KCTD16: variants seen among roughly 807,000 people sequenced by gnomAD.
KCTD16 encodes the protein BTB/POZ domain-containing protein KCTD16.
In KCTD16, 13 loss-of-function variants were observed where a neutral mutation model predicts 33.2. That is an observed-to-expected ratio of 0.39 (90% CI 0.25 to 0.62). The LOEUF is 0.62. Ranked by LOEUF, KCTD16 falls within the 20% of genes least tolerant of loss-of-function variation. The pLI, the probability that KCTD16 is intolerant of heterozygous loss-of-function variation, is 0.50. For synonymous variants in KCTD16, 197 were observed against 195.3 expected, an observed-to-expected ratio of 1.01 and a Z score of -0.07; for missense variants, 441 against 525.1, an observed-to-expected ratio of 0.84 and a Z score of 1.57.
chr5:144,329,339 G>A (rs1752292424), intron 3 of KCTD16, among the ~76,000 whole-genome samples: 1 of 152,152 alleles, frequency 6.6e-6, no homozygotes, highest in African/African-American at 2.4e-5. Context: ...TAGGATTTAT[G>A]ACCCCAGGGT....
At chr5:144,217,720 C>T (rs1043738354) in intron 3 of KCTD16, among the ~76,000 whole-genome samples, 4 of 152,016 alleles carry the variant, frequency 2.6e-5, no homozygotes, top group African/African-American at 7.3e-5. Flanking sequence ...CAGCTCTTCA[C>T]GTTAATGATT....
Position 144,358,226 on chromosome 5 carries a change from G to T in KCTD16, c.833-115434G>T, listed in dbSNP as rs117435900. On this transcript the variant is annotated intron_variant, in intron 3 of 3. Transcript: ENST00000512467. ...TGGGATTATAGGCATGAGCCACTTT[G>T]CCTGACCGCCTAGGCTGTGTTTTAA... Among the ~76,000 whole-genome samples, 121 of 150,450 alleles carry T rather than the reference G, an allele frequency of 8.0e-4. 1 individual carries two copies. The East Asian group carries it at 0.02, about 24-fold the overall frequency.
At chr5:144,380,036 C>T (rs530396174) in intron 3 of KCTD16, among the ~76,000 whole-genome samples, 40 of 152,026 alleles carry the variant, frequency 2.6e-4, no homozygotes, top group South Asian at 2.1e-3. Context: ...TTTCCTCTGC[C>T]GAGATTCTAT....
intron 3 of KCTD16, among the ~76,000 whole-genome samples, chr5:144,226,053 T>C (rs1367293852): frequency 6.6e-6 from 1 of 152,222 alleles, no homozygotes; most frequent in Non-Finnish European, 1.5e-5. Context: ...CACTTTTGCT[T>C]TTCCTTATCT....
At chr5:144,286,409 A>G (rs1755747211) in intron 3 of KCTD16, among the ~76,000 whole-genome samples, 1 of 152,202 alleles carries the variant, frequency 6.6e-6, no homozygotes. Flanking sequence ...AAAGCCTCTA[A>G]GATTTGTGAT....
intron 3 of KCTD16, among the ~76,000 whole-genome samples, chr5:144,372,459 G>C (rs560327787): frequency 2.6e-5 from 4 of 152,172 alleles, no homozygotes; most frequent in Non-Finnish European, 5.9e-5. Flanking sequence ...TCATCATTTG[G>C]ATAAGGGTGG....
intron 3 of KCTD16, among the ~76,000 whole-genome samples, chr5:144,278,485 C>CTTTTTTTTTTTT (rs1220359408): frequency 1.1e-5 from 1 of 89,984 alleles, no homozygotes; most frequent in African/African-American, 4.9e-5. Flanking sequence ...TGTTAGTCTT[C>CTTTTTTTTTTTT]TTTTTTTTTT....
At chr5:144,393,981 G>A (rs200206562) in intron 3 of KCTD16, among the ~76,000 whole-genome samples, 1 of 48,516 alleles carries the variant, frequency 2.1e-5, no homozygotes, top group East Asian at 6.2e-4. Flanking sequence ...TTTTTTTTTT[G>A]TTTAAACTTA....
intron 3 of KCTD16, among the ~76,000 whole-genome samples, chr5:144,460,020 G>A (rs1754158671): frequency 6.6e-6 from 1 of 151,666 alleles, no homozygotes; most frequent in Non-Finnish European, 1.5e-5. Context: ...TTTTAGTAGA[G>A]AAGGGGTTTC....
intron 2 of KCTD16, among the ~76,000 whole-genome samples, chr5:144,193,581 T>C (rs1354475239): frequency 6.6e-6 from 1 of 152,144 alleles, no homozygotes; most frequent in Non-Finnish European, 1.5e-5. Flanking sequence ...TATGAAATGA[T>C]CTTGCTCATT....
At chr5:144,303,243 T>A (rs1258048480) in intron 3 of KCTD16, among the ~76,000 whole-genome samples, 1 of 152,212 alleles carries the variant, frequency 6.6e-6, no homozygotes, top group Non-Finnish European at 1.5e-5. Context: ...CAAGTGTTAT[T>A]AGAATTATAT....
intron 3 of KCTD16, among the ~76,000 whole-genome samples, chr5:144,237,890 T>C (rs865982833): frequency 3.9e-5 from 6 of 151,980 alleles, no homozygotes; most frequent in South Asian, 2.1e-4. Context: ...TGAGGTCATA[T>C]TGAAGTGTGT....
At chr5:144,242,912 A>T (rs552529900) in intron 3 of KCTD16, among the ~76,000 whole-genome samples, 1 of 152,198 alleles carries the variant, frequency 6.6e-6, no homozygotes, top group South Asian at 2.1e-4. Context: ...TGGGGATCAA[A>T]CGTGAGGTTT....
chr5:144,171,054 A>G (rs147565281), intron 1 of KCTD16, 45 bp downstream of exon 1: 1 of 152,316 alleles, frequency 6.6e-6, no homozygotes, highest in East Asian at 1.9e-4. Flanking sequence ...TGGTTACCCT[A>G]TTTCCCTTTT....
chr5:144,436,526 C>A (rs1188215881), intron 3 of KCTD16, among the ~76,000 whole-genome samples: 1 of 151,984 alleles, frequency 6.6e-6, no homozygotes, highest in Non-Finnish European at 1.5e-5. Context: ...ACCTACTAGG[C>A]CTGTGTCCAC....
At chr5:144,363,050 T>C (rs544486649) in intron 3 of KCTD16, among the ~76,000 whole-genome samples, 25 of 152,304 alleles carry the variant, frequency 1.6e-4, no homozygotes, top group African/African-American at 6.0e-4. Flanking sequence ...CATTTGTTCT[T>C]TGAAGAAAAT....
intron 3 of KCTD16, among the ~76,000 whole-genome samples, chr5:144,364,968 T>A (rs1162843592): frequency 6.6e-6 from 1 of 152,114 alleles, no homozygotes; most frequent in African/African-American, 2.4e-5. Flanking sequence ...GTAATTATCA[T>A]TAGAGATTGC....
At chr5:144,249,602 A>G (rs976903899) in intron 3 of KCTD16, among the ~76,000 whole-genome samples, 4 of 152,184 alleles carry the variant, frequency 2.6e-5, no homozygotes, top group Non-Finnish European at 1.5e-5. Flanking sequence ...TAAAAATTTA[A>G]TACTGTCTTT....
At chr5:144,255,931 T>C (rs1265813353) in intron 3 of KCTD16, among the ~76,000 whole-genome samples, 2 of 152,226 alleles carry the variant, frequency 1.3e-5, no homozygotes, top group African/African-American at 2.4e-5. Context: ...ATTACCCAAC[T>C]ACTTAAGGGC....
Sources: gnomAD v4.1 joint callset for allele counts (sites outside exome capture counted in the v4.1 genomes callset) on GRCh38, gnomAD v4.1.1 for gene constraint, MANE v1.5 for transcripts, NCBI Gene and HGNC (gene_info 2026-07-23, HGNC 2026-07-21) for gene names.